UBA5: variants seen among roughly 807,000 people sequenced by gnomAD.
The protein encoded by UBA5 is ubiquitin-like modifier-activating enzyme 5.
UBA5 carries 28 observed loss-of-function variants against 52.9 expected under a neutral mutation model. The ratio of observed to expected loss-of-function variants is 0.53; its 90% confidence interval spans 0.39 to 0.73. The LOEUF (loss-of-function observed/expected upper bound fraction) is 0.73, where lower values mean the gene tolerates loss of function less well. Ranked by LOEUF, UBA5 falls within the 30% of genes least tolerant of loss-of-function variation. The pLI is 0.00. For synonymous variants in UBA5, 135 were observed against 162.1 expected, an observed-to-expected ratio of 0.83 and a Z score of 1.27; for missense variants, 388 against 492.7, an observed-to-expected ratio of 0.79 and a Z score of 2.01.
At chr3:132,672,947 CA>C (rs749991375) in intron 8 of UBA5, among the ~76,000 whole-genome samples, 6 of 152,150 alleles carry the variant, frequency 3.9e-5, no homozygotes, top group Non-Finnish European at 7.4e-5. Context: ...CCTCATTTTA[CA>C]ACTTTAATAA....
chr3:132,656,243 G>A (rs1357655893), upstream of UBA5, among the ~76,000 whole-genome samples: 1 of 152,078 alleles, frequency 6.6e-6, no homozygotes, highest in East Asian at 1.9e-4. Context: ...TAGACATTGT[G>A]TTGTTTCCTG....
At chr3:132,663,652 A>G (rs928299211) in intron 1 of UBA5, among the ~76,000 whole-genome samples, 1 of 152,174 alleles carries the variant, frequency 6.6e-6, no homozygotes, top group Non-Finnish European at 1.5e-5. Context: ...GTCTGGCCAG[A>G]TGACCCTACA....
chr3:132,660,049 G>A (rs988341995), upstream of UBA5: 1 of 385,024 alleles, frequency 2.6e-6, no homozygotes, highest in Non-Finnish European at 4.6e-6. This position sits in a 1 kb window ranked among gnomAD's most constrained non-coding sequence, Gnocchi z 4.1. Flanking sequence ...TCATCGTTGC[G>A]GGTAAGGAAC....
upstream of UBA5, among the ~76,000 whole-genome samples, chr3:132,659,034 G>C (rs1213762716): frequency 1.3e-5 from 2 of 152,098 alleles, no homozygotes; most frequent in African/African-American, 4.8e-5. Flanking sequence ...ATTATCTATT[G>C]TAAAACATCA....
intron 1 of UBA5, among the ~76,000 whole-genome samples, chr3:132,654,928 T>C (rs1937702674): frequency 6.6e-6 from 1 of 152,210 alleles, no homozygotes; most frequent in African/African-American, 2.4e-5. Context: ...ACCTGAGCTC[T>C]GTGGTACAGC....
Position 132,672,154 on chromosome 3 carries a change from G to A in UBA5, c.789G>A (p.Gly263=), listed in dbSNP as rs1938633956. 6.2e-7 allele frequency: 1 copy of A among 1,613,758 alleles called. No homozygotes were observed. The highest frequency in any genetic ancestry group is 1.3e-5 in the African/African-American group (1 of 74,902). ...SLPTTMGVVA[G]ILVQNVLKFL... ...CTACCACTATGGGTGTGGTTGCTGG[G>A]ATCTTAGTACAAAACGTGTTAAAGT... is the stretch of plus-strand genomic sequence containing the variant. The change falls in exon 8 of 12, where the codon GGG becomes GGA. Residue 263 remains glycine, a synonymous_variant. Coordinates refer to ENST00000356232, the MANE Select transcript of UBA5 (RefSeq NM_024818.6).
Position 132,672,075 on chromosome 3 carries a change from CA to C in UBA5, c.713del (p.Asn238IlefsTer7), listed in dbSNP as rs1328231844. 6.2e-7 allele frequency: 1 copy of C among 1,613,824 alleles called. No homozygotes were observed. Among genetic ancestry groups the C allele is most frequent in the Non-Finnish European group, 8.5e-7 (1 of 1,179,892 alleles). Reference protein sequence around the residue: ...FACAPPLVVAANIDEKTLKRE... With the variant: ...FACAPPLVVAXNIDEKTLKRE... ...TGTGCTCCACCACTTGTAGTTGCTGCAAATATTGATGAAAAGACTCTGAAAC... is the reference window on the plus strand; with the variant it reads ...TGTGCTCCACCACTTGTAGTTGCTGCAATATTGATGAAAAGACTCTGAAAC... On this transcript the variant is annotated frameshift_variant, in exon 8 of 12. Transcript: ENST00000356232. LOFTEE classifies it high-confidence loss of function.
At chr3:132,656,506 T>G (rs6786749), upstream of UBA5, among the ~76,000 whole-genome samples, 4,314 of 151,922 alleles carry the variant, frequency 0.028, 223 homozygotes, top group African/African-American at 0.099. Context: ...TTTTTTTTTT[T>G]TTTGAGACGG....
Position 132,671,054 on chromosome 3 carries a change from G to A in UBA5, c.579+5G>A. ...GCTCGAATGACAATAAATACAGTGA[G>A]TATTCCTGCTGTGCAAGATATATTC... is the stretch of plus-strand genomic sequence containing the variant. On this transcript the variant is annotated splice_donor_5th_base_variant and intron_variant, in intron 6 of 11. Transcript: ENST00000356232. The A allele has an allele frequency of 6.2e-7, 1 of 1,607,920 alleles. No individual in the cohort carries two copies. Among genetic ancestry groups the A allele is most frequent in the Non-Finnish European group, 8.5e-7 (1 of 1,175,004 alleles).
intron 1 of UBA5, 84 bp from the exon 2 acceptor site, chr3:132,665,739 A>G: frequency 7.5e-7 from 1 of 1,329,124 alleles, no homozygotes; most frequent in Non-Finnish European, 1.1e-6. Context: ...TTTGGTGTTT[A>G]TTTTCTGTGA....
In UBA5 at chr3:132,679,028, G is replaced by A. The variant is rs1004252283; in HGVS notation, c.*2502G>A. The stretch of plus-strand genomic sequence containing the variant: ...TCCCTTTCTGTAATCTCAGCACTTT[G>A]GGAGGCTGAGGTGGGTAGGTCAAGA... On this transcript the variant is annotated 3_prime_UTR_variant, in exon 12 of 12. Transcript: ENST00000356232. Among the ~76,000 whole-genome samples the A allele has an allele frequency of 5.3e-5, 8 of 151,938 alleles. No homozygotes were observed. The highest frequency in any genetic ancestry group is 2.6e-4 in the Admixed American group (4 of 15,250).
chr3:132,675,196 G>C (rs988445899), intron 8 of UBA5, 52 bp from the exon 9 acceptor site: 254 of 1,362,634 alleles, frequency 1.9e-4, no homozygotes, highest in Non-Finnish European at 2.5e-4. Flanking sequence ...AGGTGTTCTA[G>C]TATTTTTCAT....
chr3:132,669,280 A>T (rs1250019919), intron 4 of UBA5, among the ~76,000 whole-genome samples: 1 of 152,018 alleles, frequency 6.6e-6, no homozygotes, highest in South Asian at 2.1e-4. Context: ...AAAAAATAAA[A>T]TTTTTTTGAG....
At chr3:132,659,828 C>T (rs1938039222), upstream of UBA5, 1 of 1,504,614 alleles carries the variant, frequency 6.6e-7, no homozygotes, top group African/African-American at 1.4e-5. Context: ...GGGGCAACGT[C>T]CCCTCTAGAG....
At position 132,676,418 on chromosome 3, in the gene UBA5, C is replaced by T; in HGVS notation, c.1132-25C>T. On this transcript the variant is annotated intron_variant, in intron 11 of 11. Transcript: ENST00000356232. This position sits in a 1 kb window ranked among gnomAD's most constrained non-coding sequence, Gnocchi z 4.1. ...AGAATTCTATATGGTTCTTTTTTCA[C>T]TGTATTTCCCTTATTTGTCAATAGC... 2 of 1,568,570 alleles carry T rather than the reference C, an allele frequency of 1.3e-6. No homozygotes were observed. The highest frequency in any genetic ancestry group is 1.8e-5 in the Admixed American group (1 of 55,812).
At chr3:132,668,716 C>A in intron 3 of UBA5, 102 bp from the exon 4 acceptor site, 1 of 708,450 alleles carries the variant, frequency 1.4e-6, no homozygotes, top group South Asian at 2.0e-5. Context: ...ATATTATTAT[C>A]AAACTGCTAA....
chr3:132,658,760 A>T (rs1431359037), upstream of UBA5, among the ~76,000 whole-genome samples: 1 of 152,228 alleles, frequency 6.6e-6, no homozygotes, highest in Non-Finnish European at 1.5e-5. Flanking sequence ...GTCAAAGAAT[A>T]TAAATGCTAG....
rs1319407634 is a variant in UBA5 at position 132,679,677 on chromosome 3, CATT to C, written c.*3155_*3157del. Among the ~76,000 whole-genome samples, 2 of 152,096 alleles carry C rather than the reference CATT, an allele frequency of 1.3e-5. No individual in the cohort carries two copies. Among genetic ancestry groups the C allele is most frequent in the East Asian group, 1.9e-4 (1 of 5,202 alleles). On this transcript the variant is annotated 3_prime_UTR_variant, in exon 12 of 12. Transcript: ENST00000356232. ...CAGGGTTCTTCTAGAGTACTGGTCT[CATT>C]ATTTTCTAAAGCAGTTTTTCTAAGG...
intron 3 of UBA5, chr3:132,667,786 C>G (rs909821887): frequency 1.3e-5 from 2 of 152,124 alleles, no homozygotes; most frequent in East Asian, 1.9e-4. Context: ...ACCTTCTGTT[C>G]CCAAGTTTAA....
Sources: gnomAD v4.1 joint callset for allele counts (sites outside exome capture counted in the v4.1 genomes callset) on GRCh38, gnomAD v4.1.1 for gene constraint, Gnocchi (gnomAD v3.1) non-coding constraint, MANE v1.5 for transcripts, NCBI Gene and HGNC (gene_info 2026-07-23, HGNC 2026-07-21) for gene names.